The following CPXM2 variants were observed in gnomAD, a reference collection of about 807,000 sequenced individuals.
The protein encoded by CPXM2 is inactive carboxypeptidase-like protein X2.
Under a neutral mutation model 86.1 loss-of-function variants are expected in CPXM2, and 66 were observed. That is an observed-to-expected ratio of 0.77 (90% CI 0.63 to 0.94). The LOEUF (loss-of-function observed/expected upper bound fraction) is 0.94. CPXM2 is among the 40% of genes least tolerant of loss of function. CPXM2 has a pLI of 0.00. For synonymous variants in CPXM2, 388 were observed against 400.2 expected (o/e 0.97, Z 0.36); for missense variants, 948 against 1,026.3 (o/e 0.92, Z 1.04).
At chr10:123,814,608 T>C (rs1373076439) in intron 4 of CPXM2, among the ~76,000 whole-genome samples, 1 of 151,544 alleles carries the variant, frequency 6.6e-6, no homozygotes. Flanking sequence ...GATGGAGTTC[T>C]TTCATTGGTT....
At chr10:123,854,010 T>C (rs1278362545) in intron 3 of CPXM2, among the ~76,000 whole-genome samples, 1 of 152,002 alleles carries the variant, frequency 6.6e-6, no homozygotes, top group Admixed American at 6.5e-5. Context: ...TCTGCTTATA[T>C]AGCATTTATT....
chr10:123,752,901 C>T (rs1846111599), intron 13 of CPXM2, among the ~76,000 whole-genome samples: 3 of 152,144 alleles, frequency 2.0e-5, no homozygotes, highest in African/African-American at 7.2e-5. Flanking sequence ...GGCTCCTGAC[C>T]TCATGGGGGC....
chr10:123,843,539 T>A (rs1336386609), intron 3 of CPXM2, among the ~76,000 whole-genome samples: 1 of 149,664 alleles, frequency 6.7e-6, no homozygotes, highest in Non-Finnish European at 1.5e-5. Flanking sequence ...GTTCACACCA[T>A]TCTCCTGCAA....
intron 6 of CPXM2, among the ~76,000 whole-genome samples, chr10:123,796,939 G>T (rs538126670): frequency 6.6e-6 from 1 of 152,218 alleles, no homozygotes; most frequent in Non-Finnish European, 1.5e-5. Flanking sequence ...GGCCCTGTAG[G>T]GGGTGATCTC....
intron 3 of CPXM2, among the ~76,000 whole-genome samples, chr10:123,850,828 G>A (rs141044047): frequency 2.4e-4 from 37 of 152,264 alleles, no homozygotes; most frequent in African/African-American, 6.5e-4. Context: ...AGAAATCCAC[G>A]CTTAGCATCT....
chr10:123,849,392 C>A (rs1172773426), intron 3 of CPXM2, among the ~76,000 whole-genome samples: 2 of 151,554 alleles, frequency 1.3e-5, no homozygotes, highest in Admixed American at 1.3e-4. Context: ...TCCCCTTTAT[C>A]CCCTTTATCA....
intron 6 of CPXM2, among the ~76,000 whole-genome samples, chr10:123,788,834 A>G (rs1847134556): frequency 6.6e-6 from 1 of 150,482 alleles, no homozygotes; most frequent in Non-Finnish European, 1.5e-5. Flanking sequence ...CAAAGCGTAC[A>G]CTTTAAAAGG....
At chr10:123,901,739 C>T (rs1356815464) in intron 2 of CPXM2, among the ~76,000 whole-genome samples, 2 of 152,106 alleles carry the variant, frequency 1.3e-5, no homozygotes, top group African/African-American at 4.8e-5. Flanking sequence ...AAAACAATAC[C>T]TCTGTTTAAC....
chr10:123,920,570 C>G (rs934557389), intron 2 of CPXM2, among the ~76,000 whole-genome samples: 2 of 152,102 alleles, frequency 1.3e-5, no homozygotes, highest in Non-Finnish European at 2.9e-5. Flanking sequence ...TTAGTGACTT[C>G]TTTTGGCAAA....
chr10:123,751,350 T>C (rs1473709303), intron 13 of CPXM2: 1 of 240,130 alleles, frequency 4.2e-6, no homozygotes, highest in Non-Finnish European at 6.7e-6. Context: ...GAGACATAAG[T>C]AAACAAATTC....
intron 10 of CPXM2, among the ~76,000 whole-genome samples, chr10:123,765,056 A>G (rs374801725): frequency 1.3e-5 from 2 of 152,224 alleles, no homozygotes; most frequent in African/African-American, 4.8e-5. Flanking sequence ...TAATCTTATT[A>G]CAACCTTCCA....
At chr10:123,914,083 A>T in intron 2 of CPXM2, 1 of 478,300 alleles carries the variant, frequency 2.1e-6, no homozygotes, top group South Asian at 1.5e-5. Context: ...GGCATGGAGC[A>T]TGCAATTTGG....
intron 2 of CPXM2, among the ~76,000 whole-genome samples, chr10:123,862,943 C>T (rs890327948): frequency 6.6e-6 from 1 of 152,176 alleles, no homozygotes; most frequent in Non-Finnish European, 1.5e-5. Flanking sequence ...GATATTCCTT[C>T]TCTTTTGCTG....
intron 2 of CPXM2, among the ~76,000 whole-genome samples, chr10:123,903,001 G>A (rs1386694488): frequency 6.6e-6 from 1 of 152,134 alleles, no homozygotes; most frequent in Non-Finnish European, 1.5e-5. Context: ...GTACCCTCTG[G>A]CACTTCCCTT....
At chr10:123,887,366 AC>A (rs2134244328) in intron 1 of CPXM2, among the ~76,000 whole-genome samples, 1 of 152,344 alleles carries the variant, frequency 6.6e-6, no homozygotes, top group East Asian at 1.9e-4. Flanking sequence ...AAAAGATTCT[AC>A]GGTTCCATAT....
intron 2 of CPXM2, among the ~76,000 whole-genome samples, chr10:123,878,296 CTTTTTTTTT>C (rs72163200): frequency 1.6e-5 from 2 of 122,844 alleles, no homozygotes; most frequent in Admixed American, 9.7e-5. Flanking sequence ...TTTTTTCTCT[CTTTTTTTTT>C]TTTTTTTTTT....
intron 1 of CPXM2, among the ~76,000 whole-genome samples, chr10:123,887,404 C>A (rs551473374): frequency 6.6e-6 from 1 of 152,240 alleles, no homozygotes; most frequent in East Asian, 1.9e-4. Context: ...GTTCCATGAA[C>A]CTGTACATGT....
chr10:123,847,176 C>T (rs1848511354), intron 3 of CPXM2, among the ~76,000 whole-genome samples: 1 of 152,158 alleles, frequency 6.6e-6, no homozygotes, highest in African/African-American at 2.4e-5. Flanking sequence ...GGATCTAAAA[C>T]ATCAAGTCTA....
chr10:123,809,341 C>CTA (rs1295685316), intron 4 of CPXM2, among the ~76,000 whole-genome samples: 1 of 152,044 alleles, frequency 6.6e-6, no homozygotes, highest in Non-Finnish European at 1.5e-5. Flanking sequence ...TTGCTAAGAT[C>CTA]TATAGTAAGA....
Sources: gnomAD v4.1 joint callset for allele counts (sites outside exome capture counted in the v4.1 genomes callset) on GRCh38, gnomAD v4.1.1 for gene constraint, MANE v1.5 for transcripts, NCBI Gene and HGNC (gene_info 2026-07-23, HGNC 2026-07-21) for gene names.